Variants in PPP2R5E observed in about 807,000 individuals in gnomAD.
PPP2R5E encodes serine/threonine-protein phosphatase 2A 56 kDa regulatory subunit epsilon isoform.
A neutral mutation model predicts 65.3 loss-of-function variants in PPP2R5E; 4 were observed. That is an observed-to-expected ratio of 0.06 (90% confidence interval 0.03 to 0.14). The LOEUF (loss-of-function observed/expected upper bound fraction) is 0.14, where lower values mean the gene tolerates loss of function less well. Ranked by LOEUF, PPP2R5E falls within the 10% of genes least tolerant of loss-of-function variation. The probability of loss-of-function intolerance (pLI) is 1.00; values close to 1 mark genes in which losing one functional copy is unlikely to be tolerated. For missense variants in PPP2R5E, 274 were observed against 556.1 expected, an observed-to-expected ratio of 0.49 and a Z score of 5.10; for synonymous variants, 183 against 187.4, an observed-to-expected ratio of 0.98 and a Z score of 0.19.
chr14:63,467,215 T>C (rs1889866180), intron 2 of PPP2R5E, among the ~76,000 whole-genome samples: 1 of 124,144 alleles, frequency 8.1e-6, no homozygotes, highest in African/African-American at 3.8e-5. Flanking sequence ...AGAGCAAGAC[T>C]CCGTCTCAAA....
intron 13 of PPP2R5E, among the ~76,000 whole-genome samples, chr14:63,381,125 G>A (rs1170595936): frequency 6.6e-6 from 1 of 152,156 alleles, no homozygotes; most frequent in African/African-American, 2.4e-5. Flanking sequence ...ATCTCCCCAA[G>A]TACATCTTTT....
In PPP2R5E at chr14:63,376,012, A is replaced by C. The variant is rs1883961834; in HGVS notation, c.1401T>G (p.Thr467=). ...AATGTTGTTGTCATTGTTTTTGTTA[A>C]GTTGGAATTATTCCATCACGTCTAA... The part of the protein sequence containing the change: ...RGLRRDGIIP[T] The change falls in exon 14 of 14, where the codon ACT becomes ACG. Residue 467 remains threonine, a synonymous_variant. Transcript: ENST00000337537. 1 of 1,580,910 alleles carries C rather than the reference A, an allele frequency of 6.3e-7. No homozygotes were observed. The highest frequency in any genetic ancestry group is 1.3e-5 in the African/African-American group (1 of 74,106).
intron 2 of PPP2R5E, among the ~76,000 whole-genome samples, chr14:63,531,304 G>A (rs1450953935): frequency 7.4e-6 from 1 of 134,964 alleles, no homozygotes; most frequent in East Asian, 2.4e-4. Flanking sequence ...CCCCACAACA[G>A]TCCCTGGTAT....
intron 2 of PPP2R5E, among the ~76,000 whole-genome samples, chr14:63,483,182 G>A (rs1046732996): frequency 9.2e-5 from 14 of 151,972 alleles, no homozygotes; most frequent in African/African-American, 3.4e-4. Flanking sequence ...AAATCATACA[G>A]TATGTTGAAA....
At chr14:63,468,267 C>T (rs1429596550) in intron 2 of PPP2R5E, among the ~76,000 whole-genome samples, 2 of 151,592 alleles carry the variant, frequency 1.3e-5, no homozygotes, top group Non-Finnish European at 2.9e-5. Flanking sequence ...TCTTTTTTTT[C>T]AAAAATGAAC....
At chr14:63,381,820 T>C (rs1335160495) in intron 13 of PPP2R5E, among the ~76,000 whole-genome samples, 2 of 152,232 alleles carry the variant, frequency 1.3e-5, no homozygotes, top group Admixed American at 6.5e-5. Flanking sequence ...TTCAGGTGTG[T>C]CATAGTAGGC....
chr14:63,395,380 GA>G, intron 6 of PPP2R5E, 95 bp from the exon 7 acceptor site: 1 of 616,316 alleles, frequency 1.6e-6, no homozygotes, highest in East Asian at 3.5e-5. Context: ...GGGGGAGGAG[GA>G]GGAGAAGAGG....
intron 2 of PPP2R5E, among the ~76,000 whole-genome samples, chr14:63,476,937 T>A (rs1395773895): frequency 1.3e-5 from 2 of 152,012 alleles, no homozygotes; most frequent in African/African-American, 2.4e-5. Flanking sequence ...AGTAGTAGAG[T>A]CTGTTTTATG....
rs939788453 is a variant in PPP2R5E, at chr14:63,537,458, T to A, written c.157+2071A>T. Among the ~76,000 whole-genome samples the A allele has an allele frequency of 2.6e-5, 4 of 152,298 alleles. No individual in the cohort carries two copies. The South Asian group carries it at 6.2e-4, about 24-fold the overall frequency. Reference sequence around the variant, plus strand: ...TACCAGCAAAATCTCTAGTCAAAATTTTCTCCCCCAAAGCTCACAGGAGCT... The same window carrying A: ...TACCAGCAAAATCTCTAGTCAAAATATTCTCCCCCAAAGCTCACAGGAGCT... On this transcript the variant is annotated intron_variant, in intron 2 of 13. Transcript: ENST00000337537.
intron 2 of PPP2R5E, among the ~76,000 whole-genome samples, chr14:63,454,694 A>G (rs1338463173): frequency 6.6e-6 from 1 of 152,196 alleles, no homozygotes; most frequent in Non-Finnish European, 1.5e-5. Flanking sequence ...AAGGAGCCTG[A>G]TCTACAGTTG....
rs12589554 is a variant in PPP2R5E at position 63,491,019 on chromosome 14, G to A, written c.158-37134C>T. Among the ~76,000 whole-genome samples the A allele has an allele frequency of 7.1e-3, 1,072 of 152,040 alleles. 29 individuals are homozygous for A. In the East Asian group the frequency reaches 0.11, roughly 16 times the overall value. On this transcript the variant is annotated intron_variant, in intron 2 of 13. Transcript: ENST00000337537. Reference sequence around the variant, plus strand: ...TGGACTGGATAAAAAAAAAAAATGTGGAACATATACACCATGGAATACTAT... The same window carrying A: ...TGGACTGGATAAAAAAAAAAAATGTAGAACATATACACCATGGAATACTAT...
chr14:63,481,896 T>C (rs756617652), intron 2 of PPP2R5E, among the ~76,000 whole-genome samples: 1 of 152,202 alleles, frequency 6.6e-6, no homozygotes, highest in African/African-American at 2.4e-5. Flanking sequence ...GTGAGTACAA[T>C]GGAAATACAA....
At chr14:63,489,158 T>G (rs1167980452) in intron 2 of PPP2R5E, among the ~76,000 whole-genome samples, 1 of 152,006 alleles carries the variant, frequency 6.6e-6, no homozygotes, top group Non-Finnish European at 1.5e-5. Context: ...TTGCTTTGAT[T>G]TAATTACTTT....
intron 11 of PPP2R5E, among the ~76,000 whole-genome samples, chr14:63,387,063 G>C (rs1253908307): frequency 2.0e-5 from 3 of 152,154 alleles, no homozygotes; most frequent in Non-Finnish European, 4.4e-5. Flanking sequence ...CAATGTGTTT[G>C]GGAATCATCA....
intron 2 of PPP2R5E, among the ~76,000 whole-genome samples, chr14:63,506,853 TAAC>T (rs1189560221): frequency 6.6e-6 from 1 of 152,198 alleles, no homozygotes; most frequent in Non-Finnish European, 1.5e-5. Context: ...TGAATGTTCA[TAAC>T]AGCATTATCC....
intron 3 of PPP2R5E, among the ~76,000 whole-genome samples, chr14:63,439,092 G>A (rs1410415218): frequency 3.9e-5 from 6 of 152,030 alleles, no homozygotes; most frequent in African/African-American, 1.4e-4. Flanking sequence ...AAAGCTTTCA[G>A]GTTAGCAAGA....
At chr14:63,527,913 C>T (rs1451426755) in intron 2 of PPP2R5E, among the ~76,000 whole-genome samples, 3 of 147,050 alleles carry the variant, frequency 2.0e-5, no homozygotes, top group Non-Finnish European at 4.4e-5. Context: ...CCAGCCCAGG[C>T]GACAATGTAA....
intron 2 of PPP2R5E, among the ~76,000 whole-genome samples, chr14:63,513,336 T>C (rs1041532758): frequency 2.0e-5 from 3 of 152,190 alleles, no homozygotes; most frequent in South Asian, 2.1e-4. Context: ...TATCAAATTA[T>C]GCCCAGCAAA....
At chr14:63,477,645 A>G (rs529332054) in intron 2 of PPP2R5E, among the ~76,000 whole-genome samples, 1 of 152,222 alleles carries the variant, frequency 6.6e-6, no homozygotes, top group Admixed American at 6.5e-5. Context: ...ATAAATGCAA[A>G]TACTCATTTT....
Sources: gnomAD v4.1 joint callset for allele counts (sites outside exome capture counted in the v4.1 genomes callset) on GRCh38, gnomAD v4.1.1 for gene constraint, MANE v1.5 for transcripts, NCBI Gene and HGNC (gene_info 2026-07-23, HGNC 2026-07-21) for gene names.